The following DCC variants were observed in gnomAD, a reference collection of about 807,000 sequenced individuals.
DCC encodes netrin receptor DCC.
In DCC, 58 loss-of-function variants were observed where a neutral mutation model predicts 172.5. The ratio of observed to expected loss-of-function variants is 0.34; its 90% confidence interval spans 0.27 to 0.42. The LOEUF (loss-of-function observed/expected upper bound fraction) is 0.42, where lower values mean the gene tolerates loss of function less well. Ranked by LOEUF, DCC falls within the 10% of genes least tolerant of loss-of-function variation. The pLI, the probability that DCC is intolerant of heterozygous loss-of-function variation, is 1.00. For missense variants in DCC, 1,740 were observed against 1,791.0 expected (o/e 0.97, Z 0.51); for synonymous variants, 709 against 644.5 (o/e 1.10, Z -1.52).
In DCC at chr18:52,703,392, A is replaced by G. The variant is rs191525854; in HGVS notation, c.92-48662A>G. Among the ~76,000 whole-genome samples, 34 of 152,274 alleles carry G rather than the reference A, an allele frequency of 2.2e-4. No individual in the cohort carries two copies. In the East Asian group the frequency reaches 5.8e-3, roughly 26 times the overall value. ...TAGCAAATATCATTAATGACCTTCC[A>G]GTTGTCAAATCTGATGTTCTCTTCT... is the stretch of plus-strand genomic sequence containing the variant. On this transcript the variant is annotated intron_variant, in intron 1 of 28. Coordinates refer to ENST00000442544, the MANE Select transcript of DCC (RefSeq NM_005215.4).
chr18:53,270,702 A>C (rs2056738989), intron 12 of DCC, among the ~76,000 whole-genome samples: 1 of 152,088 alleles, frequency 6.6e-6, no homozygotes, highest in Admixed American at 6.6e-5. Flanking sequence ...ATTGGTACCC[A>C]TTGTTATCTT....
At chr18:53,486,340 G>C (rs1276922167) in intron 25 of DCC, among the ~76,000 whole-genome samples, 1 of 152,134 alleles carries the variant, frequency 6.6e-6, no homozygotes, top group Non-Finnish European at 1.5e-5. Context: ...TCTCTCGACT[G>C]TCCCTCAAGA....
At chr18:52,994,383 C>T (rs962815120) in intron 5 of DCC, among the ~76,000 whole-genome samples, 1 of 152,002 alleles carries the variant, frequency 6.6e-6, no homozygotes, top group Non-Finnish European at 1.5e-5. Context: ...TACTTGATTT[C>T]CTGAGAATAG....
chr18:53,201,042 C>T (rs1453805062), intron 9 of DCC, among the ~76,000 whole-genome samples: 1 of 152,062 alleles, frequency 6.6e-6, no homozygotes, highest in Non-Finnish European at 1.5e-5. Context: ...ACTTGGAGTC[C>T]ATTTGAATTG....
intron 15 of DCC, among the ~76,000 whole-genome samples, chr18:53,353,464 T>A (rs2057836397): frequency 6.6e-6 from 1 of 152,172 alleles, no homozygotes; most frequent in Non-Finnish European, 1.5e-5. Flanking sequence ...ATTGTCTAAC[T>A]ACACAGTTAG....
intron 2 of DCC, among the ~76,000 whole-genome samples, chr18:52,880,096 C>T (rs1383528847): frequency 2.0e-5 from 3 of 151,676 alleles, no homozygotes; most frequent in Non-Finnish European, 4.4e-5. Flanking sequence ...ATAGTCACTC[C>T]GTTGTGCTAT....
intron 7 of DCC, among the ~76,000 whole-genome samples, chr18:53,108,655 T>C (rs2043285004): frequency 6.6e-6 from 1 of 151,780 alleles, no homozygotes; most frequent in Non-Finnish European, 1.5e-5. Context: ...AATTCAGTAG[T>C]TGTTGAATTA....
At chr18:52,810,201 C>T (rs940320232) in intron 2 of DCC, among the ~76,000 whole-genome samples, 2 of 152,116 alleles carry the variant, frequency 1.3e-5, no homozygotes, top group East Asian at 3.9e-4. Flanking sequence ...TCACCAATGA[C>T]CCACTTCTAA....
intron 14 of DCC, among the ~76,000 whole-genome samples, chr18:53,332,930 TGTG>T (rs2057546811): frequency 6.6e-6 from 1 of 151,884 alleles, no homozygotes; most frequent in Non-Finnish European, 1.5e-5. Context: ...ATTAGCCAAG[TGTG>T]GTGGTGCATG....
chr18:53,394,440 T>C (rs1908782154), intron 17 of DCC, among the ~76,000 whole-genome samples: 1 of 152,234 alleles, frequency 6.6e-6, no homozygotes, highest in South Asian at 2.1e-4. Context: ...CAGATGCTCA[T>C]GTTTTGATTG....
intron 2 of DCC, among the ~76,000 whole-genome samples, chr18:52,782,164 C>CA (rs1170151856): frequency 6.6e-6 from 1 of 152,068 alleles, no homozygotes; most frequent in Non-Finnish European, 1.5e-5. Context: ...AGGATCTTTA[C>CA]AAATGAGGGT....
Position 52,398,745 on chromosome 18 carries a change from C to T in DCC, c.91+57867C>T, listed in dbSNP as rs184628295. On this transcript the variant is annotated intron_variant, in intron 1 of 28. Coordinates refer to ENST00000442544, the MANE Select transcript of DCC (RefSeq NM_005215.4). The stretch of plus-strand genomic sequence containing the variant: ...AGTTAGGAGTGATATAAATAGGATC[C>T]ATATAAGTCTGTTTTTCCACTGGGC... Among the ~76,000 whole-genome samples, 170 of 152,036 alleles carry T rather than the reference C, an allele frequency of 1.1e-3. 1 individual carries two copies. In the South Asian group the frequency reaches 0.018, roughly 16 times the overall value.
intron 1 of DCC, among the ~76,000 whole-genome samples, chr18:52,726,192 G>A (rs1482657583): frequency 6.6e-6 from 1 of 152,184 alleles, no homozygotes; most frequent in Non-Finnish European, 1.5e-5. Flanking sequence ...TTGTAGAAAA[G>A]AAGTATACGT....
chr18:52,661,448 G>A (rs899566865), intron 1 of DCC, among the ~76,000 whole-genome samples: 31 of 152,170 alleles, frequency 2.0e-4, no homozygotes, highest in Admixed American at 2.0e-4. Context: ...ACTGAAAATA[G>A]GGACTAAGTG....
At chr18:53,206,651 T>C (rs985789244) in intron 10 of DCC, among the ~76,000 whole-genome samples, 5 of 145,074 alleles carry the variant, frequency 3.4e-5, no homozygotes. Flanking sequence ...ATATATAATA[T>C]ATGTATACAT....
intron 1 of DCC, among the ~76,000 whole-genome samples, chr18:52,646,513 A>G (rs1304793262): frequency 6.6e-6 from 1 of 152,190 alleles, no homozygotes; most frequent in East Asian, 1.9e-4. Context: ...TGCTAAGTCC[A>G]GGCCCCCTGT....
At chr18:52,832,410 T>C (rs2038631599) in intron 2 of DCC, among the ~76,000 whole-genome samples, 1 of 149,950 alleles carries the variant, frequency 6.7e-6, no homozygotes, top group African/African-American at 2.5e-5. Context: ...ATTAGGATTA[T>C]AAATAATACC....
chr18:52,931,006 G>A (rs921943176), intron 5 of DCC, among the ~76,000 whole-genome samples: 1 of 128,078 alleles, frequency 7.8e-6, no homozygotes, highest in African/African-American at 2.7e-5. Flanking sequence ...CATGGTCTTG[G>A]TTCTTTTTGT....
chr18:53,005,097 C>G (rs2041624376), intron 5 of DCC, among the ~76,000 whole-genome samples: 1 of 152,128 alleles, frequency 6.6e-6, no homozygotes, highest in African/African-American at 2.4e-5. Context: ...CATGAAAGCC[C>G]TAGCCAGATG....
Sources: gnomAD v4.1 joint callset for allele counts (sites outside exome capture counted in the v4.1 genomes callset) on GRCh38, gnomAD v4.1.1 for gene constraint, MANE v1.5 for transcripts, NCBI Gene and HGNC (gene_info 2026-07-23, HGNC 2026-07-21) for gene names.